ZDHHC15: variants seen among roughly 807,000 people sequenced by gnomAD.
ZDHHC15 encodes the protein palmitoyltransferase ZDHHC15.
Under a neutral mutation model 31.7 loss-of-function variants are expected in ZDHHC15, and 19 were observed. The ratio of observed to expected loss-of-function variants is 0.60; its 90% CI spans 0.42 to 0.88. The LOEUF is 0.88. Ranked by LOEUF, ZDHHC15 falls within the 40% of genes least tolerant of loss-of-function variation. The probability of loss-of-function intolerance (pLI) is 0.00; values close to 1 mark genes in which losing one functional copy is unlikely to be tolerated. For synonymous variants in ZDHHC15, 103 were observed against 90.0 expected, an observed-to-expected ratio of 1.14 and a Z score of -0.82; for missense variants, 209 against 251.2, an observed-to-expected ratio of 0.83 and a Z score of 1.14.
chrX:75,410,736 A>G (rs770434466), intron 10 of ZDHHC15, among the ~76,000 whole-genome samples: 1 of 112,342 alleles, frequency 8.9e-6, no homozygotes, highest in East Asian at 2.8e-4. Context: ...ACTACTGGGT[A>G]CACATCCAAA....
intron 2 of ZDHHC15, among the ~76,000 whole-genome samples, chrX:75,485,004 G>A (rs6607563): frequency 0.29 from 32,628 of 110,698 alleles, 4,431 homozygotes; most frequent in East Asian, 0.88. Context: ...ATAACTATGG[G>A]AAAGGTAAAA....
intron 2 of ZDHHC15, among the ~76,000 whole-genome samples, chrX:75,488,143 T>C (rs2084808394): frequency 8.9e-6 from 1 of 111,963 alleles, no homozygotes; most frequent in Non-Finnish European, 1.9e-5. Flanking sequence ...GCTACTGATC[T>C]AGACATCCGA....
intron 10 of ZDHHC15, among the ~76,000 whole-genome samples, chrX:75,381,655 C>A (rs2083116127): frequency 9.0e-6 from 1 of 111,206 alleles, no homozygotes; most frequent in Non-Finnish European, 1.9e-5. Context: ...TCTATAAAAC[C>A]CTCTATCATC....
intron 10 of ZDHHC15, among the ~76,000 whole-genome samples, chrX:75,392,216 A>G (rs1362160705): frequency 8.9e-6 from 1 of 112,050 alleles, no homozygotes; most frequent in Non-Finnish European, 1.9e-5. Context: ...GAGATCCAAA[A>G]CTGAAGAACT....
rs767911492 is a variant in ZDHHC15, at chrX:75,450,920, G to A, written c.261C>T (p.Phe87=). Residue 87 remains phenylalanine (F), a splice_region_variant and synonymous_variant, in exon 4 of 12, where the codon TTC becomes TTT. Transcript: ENST00000373367. ...GCTCCTTGTCTGTGTAGGACAAGTGGAACTGGAAGCAGGAGTGAAAGGTAA... is the reference window on the plus strand; with the variant it reads ...GCTCCTTGTCTGTGTAGGACAAGTGAAACTGGAAGCAGGAGTGAAAGGTAA... ...FTLPQQPNQK[F]HLSYTDKERY... The A allele has an allele frequency of 6.6e-6, 8 of 1,207,512 alleles. No homozygotes were observed. In the South Asian group the frequency reaches 8.9e-5, roughly 13 times the overall value.
chrX:75,504,471 G>A (rs2085129693), intron 2 of ZDHHC15, among the ~76,000 whole-genome samples: 1 of 111,271 alleles, frequency 9.0e-6, no homozygotes, highest in Admixed American at 9.6e-5. Flanking sequence ...TGAATCATCT[G>A]ATGGATCATG....
chrX:75,413,668 A>G (rs2083511460), intron 10 of ZDHHC15, among the ~76,000 whole-genome samples: 1 of 107,255 alleles, frequency 9.3e-6, no homozygotes, highest in Admixed American at 9.9e-5. Flanking sequence ...CCGTCTCAAG[A>G]AAAAAAAAAA....
Position 75,417,266 on chromosome X carries a change from A to G in ZDHHC15, c.864-76T>C, listed in dbSNP as rs766141711. On this transcript the variant is annotated intron_variant, in intron 9 of 11. Transcript: ENST00000373367. Reference sequence around the variant, plus strand: ...TGAAGGTTATAATCCTCTTAAAAACAAGAGGGGGGTTCTTAGCCATATTTA... The same window carrying G: ...TGAAGGTTATAATCCTCTTAAAAACGAGAGGGGGGTTCTTAGCCATATTTA... 1.3e-5 allele frequency: 9 copies of G among 689,301 alleles called. No homozygotes were observed. The African/African-American group carries it at 1.5e-4, about 12-fold the overall frequency. The allele number at this position is 689,301 out of a possible 1,213,427, so 56.8% of individuals were successfully genotyped here. A position where few individuals can be genotyped will look rare whatever the true frequency, so the allele number is the denominator to read the frequency against.
At chrX:75,384,619 CG>C in intron 10 of ZDHHC15, 1 of 827,161 alleles carries the variant, frequency 1.2e-6, no homozygotes, top group Non-Finnish European at 1.8e-6. Flanking sequence ...AATTAATGTG[CG>C]TATTGAGCAC....
intron 10 of ZDHHC15, among the ~76,000 whole-genome samples, chrX:75,409,300 T>C (rs761681642): frequency 9.2e-6 from 1 of 108,756 alleles, no homozygotes; most frequent in Non-Finnish European, 1.9e-5. Context: ...GAGACCAGCA[T>C]GGCCAACATG....
At chrX:75,437,589 A>C (rs1415809396) in intron 4 of ZDHHC15, among the ~76,000 whole-genome samples, 3 of 102,429 alleles carry the variant, frequency 2.9e-5, no homozygotes, top group South Asian at 4.8e-4. Flanking sequence ...TTCCAATTTC[A>C]TCCATGTCCC....
In ZDHHC15 at chrX:75,495,216, C is replaced by G. The variant is rs149504587; in HGVS notation, c.163+10605G>C. On this transcript the variant is annotated intron_variant, in intron 2 of 11. Transcript: ENST00000373367. ...CACTGGCATTCAGAGAAATGCAAAT[C>G]AAAACCACAATGAGATACTATCTCA... 3.0e-3 allele frequency among the ~76,000 whole-genome samples: 336 copies of G among 112,009 alleles called. 1 individual carries two copies. The highest frequency in any genetic ancestry group is 1.0e-2 in the African/African-American group (307 of 30,843).
chrX:75,494,968 A>G (rs2084966768), intron 2 of ZDHHC15, among the ~76,000 whole-genome samples: 1 of 112,196 alleles, frequency 8.9e-6, no homozygotes, highest in African/African-American at 3.2e-5. Flanking sequence ...CTGCACAGCA[A>G]AAGAAACTAC....
rs3075226 is a variant in ZDHHC15, at chrX:75,449,201, T to TACAC, written c.379+1597_379+1600dup. Among the ~76,000 whole-genome samples, 556 of 76,617 alleles carry TACAC rather than the reference T, an allele frequency of 7.3e-3. 2 individuals carry two copies. The highest frequency in any genetic ancestry group is 0.026 in the African/African-American group (526 of 20,454). 66.5% of individuals were successfully genotyped at this position (76,617 alleles called of 115,157 possible). A position where few individuals can be genotyped will look rare whatever the true frequency, so the allele number is the denominator to read the frequency against. On this transcript the variant is annotated intron_variant, in intron 4 of 11. Coordinates refer to ENST00000373367, the MANE Select transcript of ZDHHC15 (RefSeq NM_144969.3). Reference sequence around the variant, plus strand: ...TCCTCATAATCTCTCTCTCTCTCTATACACACACACACACACACACACACA... The same window carrying TACAC: ...TCCTCATAATCTCTCTCTCTCTCTATACACACACACACACACACACACACACACA...
intron 3 of ZDHHC15, among the ~76,000 whole-genome samples, chrX:75,461,051 T>C (rs944013584): frequency 1.8e-5 from 2 of 111,287 alleles, no homozygotes; most frequent in South Asian, 3.8e-4. Context: ...GATAAAACAA[T>C]ACAGGAGCTG....
chrX:75,493,342 T>G (rs766606671), intron 2 of ZDHHC15, among the ~76,000 whole-genome samples: 1 of 111,975 alleles, frequency 8.9e-6, no homozygotes, highest in East Asian at 2.8e-4. Context: ...ACAGCCGAAT[T>G]GTACCAGAGG....
intron 1 of ZDHHC15, among the ~76,000 whole-genome samples, chrX:75,508,253 G>C (rs1018392563): frequency 9.5e-6 from 1 of 105,609 alleles, no homozygotes; most frequent in Non-Finnish European, 1.9e-5. Flanking sequence ...CCATTAACTC[G>C]TCATTTACAT....
chrX:75,480,454 T>C (rs751513178), intron 2 of ZDHHC15, among the ~76,000 whole-genome samples: 19 of 111,395 alleles, frequency 1.7e-4, no homozygotes, highest in African/African-American at 5.9e-4. Context: ...ATTGTATCTC[T>C]TTTTAAAAGT....
At chrX:75,477,020 A>G (rs920934499) in intron 3 of ZDHHC15, among the ~76,000 whole-genome samples, 5 of 111,461 alleles carry the variant, frequency 4.5e-5, no homozygotes, top group African/African-American at 1.6e-4. Flanking sequence ...TTACAGCCAT[A>G]AATTTTTTTC....
Sources: allele counts gnomAD v4.1 joint callset (sites outside exome capture counted in the v4.1 genomes callset), GRCh38; gene constraint gnomAD v4.1.1; transcripts MANE v1.5; gene names NCBI Gene and HGNC (gene_info 2026-07-23, HGNC 2026-07-21).